The following UNC13C variants were observed in gnomAD, a reference collection of about 807,000 sequenced individuals.
UNC13C encodes the protein protein unc-13 homolog C.
Under a neutral mutation model 245.4 loss-of-function variants are expected in UNC13C, and 174 were observed. The ratio of observed to expected loss-of-function variants is 0.71; its 90% CI spans 0.63 to 0.80. The LOEUF (loss-of-function observed/expected upper bound fraction) is 0.80, where lower values mean the gene tolerates loss of function less well. Ranked by LOEUF, UNC13C falls within the 30% of genes least tolerant of loss-of-function variation. The pLI, the probability that UNC13C is intolerant of heterozygous loss-of-function variation, is 0.00. For synonymous variants in UNC13C, 992 were observed against 895.1 expected, an observed-to-expected ratio of 1.11 and a Z score of -1.93; for missense variants, 2,829 against 2,602.9, an observed-to-expected ratio of 1.09 and a Z score of -1.89.
intron 10 of UNC13C, among the ~76,000 whole-genome samples, chr15:54,289,713 T>A (rs542066354): frequency 6.6e-6 from 1 of 152,140 alleles, no homozygotes; most frequent in Admixed American, 6.6e-5. Flanking sequence ...TGACATTTCT[T>A]TGGGGAAAAC....
the UNC13C span, among the ~76,000 whole-genome samples, chr15:53,895,005 G>A: frequency 1.3e-5 from 2 of 151,886 alleles, no homozygotes; most frequent in African/African-American, 4.8e-5. Flanking sequence ...AGATAAATAT[G>A]TAATTATCTA....
chr15:53,994,458 C>T (rs1894528153), intron 1 of UNC13C, among the ~76,000 whole-genome samples: 1 of 151,914 alleles, frequency 6.6e-6, no homozygotes, highest in Non-Finnish European at 1.5e-5. Flanking sequence ...TGCCTTGAAG[C>T]ATAAGTAATG....
chr15:54,088,834 G>A (rs930182554), intron 2 of UNC13C, among the ~76,000 whole-genome samples: 1 of 152,180 alleles, frequency 6.6e-6, no homozygotes, highest in Non-Finnish European at 1.5e-5. Context: ...ATAGTTTACT[G>A]TTCTTTCTTC....
rs913605012 is a variant in UNC13C, at chr15:54,181,562, G to A, written c.3071+37878G>A. 6.6e-5 allele frequency among the ~76,000 whole-genome samples: 10 copies of A among 151,846 alleles called. No individual in the cohort carries two copies. In the South Asian group the frequency reaches 8.3e-4, roughly 13 times the overall value. On this transcript the variant is annotated intron_variant, in intron 4 of 32. Transcript: ENST00000260323. ...TTGGTTCCATGTGAATTTTAGAGTAGTTTTTTCTAGGTCTATGAAAAATGA... is the reference window on the plus strand; with the variant it reads ...TTGGTTCCATGTGAATTTTAGAGTAATTTTTTCTAGGTCTATGAAAAATGA...
chr15:53,872,991 C>T, the UNC13C span, among the ~76,000 whole-genome samples: 2 of 152,144 alleles, frequency 1.3e-5, no homozygotes, highest in Admixed American at 1.3e-4. Flanking sequence ...CAATTTTAGA[C>T]TTTTTCTTGT....
chr15:54,432,610 G>A (rs948650483), intron 19 of UNC13C, among the ~76,000 whole-genome samples: 3 of 151,842 alleles, frequency 2.0e-5, no homozygotes, highest in Admixed American at 2.0e-4. Flanking sequence ...GTGTTAAGAG[G>A]GAAATTTATA....
rs562069481 is a variant in UNC13C at position 54,156,219 on chromosome 15, A to G, written c.3071+12535A>G. On this transcript the variant is annotated intron_variant, in intron 4 of 32. Coordinates refer to ENST00000260323, the MANE Select transcript of UNC13C (RefSeq NM_001080534.3). ...TAGAAAGACATTAGTCTCCAGAAGC[A>G]GGTGCACTCAGGCATAGCAGGCATC... Among the ~76,000 whole-genome samples, 6 of 152,312 alleles carry G rather than the reference A, an allele frequency of 3.9e-5. No individual in the cohort carries two copies. The South Asian group carries it at 1.2e-3, about 32-fold the overall frequency.
At chr15:54,134,092 C>G (rs1364640829) in intron 2 of UNC13C, among the ~76,000 whole-genome samples, 3 of 142,838 alleles carry the variant, frequency 2.1e-5, no homozygotes, top group Non-Finnish European at 4.6e-5. Context: ...CACTTATGTA[C>G]TATATTAACA....
chr15:54,463,477 A>G (rs900885272), intron 19 of UNC13C, among the ~76,000 whole-genome samples: 1 of 151,958 alleles, frequency 6.6e-6, no homozygotes, highest in African/African-American at 2.4e-5. Context: ...TCCTGAGGCC[A>G]GCAAGACCAC....
At chr15:54,177,604 C>G (rs566879975) in intron 4 of UNC13C, among the ~76,000 whole-genome samples, 2 of 152,190 alleles carry the variant, frequency 1.3e-5, no homozygotes, top group African/African-American at 4.8e-5. Context: ...TTCTTTGATT[C>G]AGTGTGTATT....
At chr15:53,948,998 T>C in the UNC13C span, among the ~76,000 whole-genome samples, 4 of 152,228 alleles carry the variant, frequency 2.6e-5, no homozygotes, top group African/African-American at 9.6e-5. Context: ...TTTATTGTGC[T>C]AGGCCCTGTT....
chr15:54,605,087 G>A (rs1344046793), intron 30 of UNC13C, among the ~76,000 whole-genome samples: 1 of 152,192 alleles, frequency 6.6e-6, no homozygotes, highest in East Asian at 1.9e-4. Flanking sequence ...AGGATTCACT[G>A]CCTGAGACGA....
chr15:54,544,327 C>T (rs8026697), intron 26 of UNC13C, among the ~76,000 whole-genome samples: 47,981 of 151,982 alleles, frequency 0.32, 8,537 homozygotes, highest in East Asian at 0.52. Context: ...ATGACAAACC[C>T]ACAGCCAATA....
chr15:54,106,965 G>A (rs553918898), intron 2 of UNC13C, among the ~76,000 whole-genome samples: 15 of 152,334 alleles, frequency 9.8e-5, no homozygotes, highest in African/African-American at 3.6e-4. Flanking sequence ...TAGAATGAAA[G>A]ATACTTTCAA....
chr15:54,216,946 T>C (rs2035058417), intron 4 of UNC13C, among the ~76,000 whole-genome samples: 1 of 151,970 alleles, frequency 6.6e-6, no homozygotes, highest in Non-Finnish European at 1.5e-5. Context: ...GGCATGTTGG[T>C]TTCTAATGTG....
the UNC13C span, among the ~76,000 whole-genome samples, chr15:53,866,662 A>T: frequency 6.6e-6 from 1 of 152,170 alleles, no homozygotes; most frequent in Non-Finnish European, 1.5e-5. Flanking sequence ...ATCCAATCGA[A>T]TCTTCGAGGC....
At chr15:54,149,453 A>G (rs948866989) in intron 4 of UNC13C, among the ~76,000 whole-genome samples, 2 of 152,290 alleles carry the variant, frequency 1.3e-5, no homozygotes, top group South Asian at 4.1e-4. Flanking sequence ...TTCATAATTC[A>G]TTACTGTATA....
At chr15:54,433,578 A>G (rs953077255) in intron 19 of UNC13C, among the ~76,000 whole-genome samples, 65 of 152,028 alleles carry the variant, frequency 4.3e-4, no homozygotes, top group African/African-American at 1.5e-3. Context: ...TTGATGGAAC[A>G]TATCTCAAAA....
Position 54,275,853 on chromosome 15 carries a change from C to T in UNC13C, c.3818+10357C>T, listed in dbSNP as rs574638204. Among the ~76,000 whole-genome samples, 3 of 152,060 alleles carry T rather than the reference C, an allele frequency of 2.0e-5. No individual in the cohort carries two copies. The East Asian group carries it at 5.8e-4, about 29-fold the overall frequency. ...TATAATAACTTAAAACTGAAAACAA[C>T]CCCAAGTCTTCATCAATAGGTGAAT... On this transcript the variant is annotated intron_variant, in intron 10 of 32. Transcript: ENST00000260323.
Sources: gnomAD v4.1 joint callset for allele counts (sites outside exome capture counted in the v4.1 genomes callset) on GRCh38, gnomAD v4.1.1 for gene constraint, MANE v1.5 for transcripts, NCBI Gene and HGNC (gene_info 2026-07-23, HGNC 2026-07-21) for gene names.